ABCA7: variants seen among roughly 807,000 people sequenced by gnomAD.
ABCA7 encodes ATP binding cassette subfamily A member 7, also known as phospholipid-transporting ATPase ABCA7.
Under a neutral mutation model 227.6 loss-of-function variants are expected in ABCA7, and 261 were observed. That is an observed-to-expected ratio of 1.15 (90% CI 1.04 to 1.27). ABCA7 has a LOEUF of 1.27. Among genes scored for constraint, ABCA7 ranks in the 50% most tolerant of loss-of-function variants. The probability of loss-of-function intolerance (pLI) is 0.00; values close to 1 mark genes in which losing one functional copy is unlikely to be tolerated. For synonymous variants in ABCA7, 1,488 were observed against 1,279.7 expected, an observed-to-expected ratio of 1.16 and a Z score of -3.47; for missense variants, 3,331 against 2,924.5, an observed-to-expected ratio of 1.14 and a Z score of -3.21.
chr19:1,064,817 C>A, intron 45 of ABCA7, 114 bp from the exon 46 acceptor site: 3 of 1,413,382 alleles, frequency 2.1e-6, no homozygotes, highest in Non-Finnish European at 2.8e-6. Context: ...ACCACTTGAT[C>A]GCTAGGGTAG....
At chr19:1,048,790 C>CA (rs1373065186) in intron 16 of ABCA7, 105 bp from the exon 17 acceptor site, 46 of 559,012 alleles carry the variant, frequency 8.2e-5, no homozygotes, top group Admixed American at 2.6e-4. Flanking sequence ...GCCTGGGCAA[C>CA]AGAGCAAGAC....
At chr19:1,050,281 G>A (rs1030204697) in intron 18 of ABCA7, among the ~76,000 whole-genome samples, 12 of 151,702 alleles carry the variant, frequency 7.9e-5, no homozygotes, top group Admixed American at 4.6e-4. Context: ...TGATGGTGGC[G>A]TGCACCTGTA....
At chr19:1,045,459 A>G in intron 12 of ABCA7, 1 of 576,312 alleles carries the variant, frequency 1.7e-6, no homozygotes, top group East Asian at 2.9e-5. Flanking sequence ...ATAAGATGAG[A>G]GCAGGTATAG....
chr19:1,062,317 A>T lies in ABCA7; in HGVS notation c.5712+4A>T. The T allele has an allele frequency of 6.2e-7, 1 of 1,601,518 alleles. No homozygotes were observed. Among genetic ancestry groups the T allele is most frequent in the Non-Finnish European group, 8.5e-7 (1 of 1,179,226 alleles). On this transcript the variant is annotated splice_donor_region_variant and intron_variant, in intron 42 of 46. Coordinates refer to ENST00000263094, the MANE Select transcript of ABCA7 (RefSeq NM_019112.4). The stretch of plus-strand genomic sequence containing the variant: ...CCCGGAGGCCCAGGTTGCCCAGGTG[A>T]GCCCACTTTGTCCCCACCGCTCTCA...
intron 13 of ABCA7, 49 bp downstream of exon 13, chr19:1,046,455 G>T: frequency 6.6e-7 from 1 of 1,511,284 alleles, no homozygotes; most frequent in Non-Finnish European, 8.8e-7. Flanking sequence ...GGAAGGTCCC[G>T]GGTGTGGGGG....
At position 1,041,288 on chromosome 19, in the gene ABCA7, C is replaced by T; in HGVS notation, c.-74C>T. 1.3e-6 allele frequency: 2 copies of T among 1,482,146 alleles called. No homozygotes were observed. The highest frequency in any genetic ancestry group is 1.9e-6 in the Non-Finnish European group (2 of 1,063,052). 91.8% of individuals were successfully genotyped at this position (1,482,146 alleles called of 1,614,324 possible). A position where few individuals can be genotyped will look rare whatever the true frequency, so the allele number is the denominator to read the frequency against. ...GGTTCAGAAAGGGGCAGGGAGTTGCCCGCAGCCGCACCGCACGTCTTCAGC... is the reference window on the plus strand; with the variant it reads ...GGTTCAGAAAGGGGCAGGGAGTTGCTCGCAGCCGCACCGCACGTCTTCAGC... On this transcript the variant is annotated 5_prime_UTR_variant, in exon 2 of 47. Coordinates refer to ENST00000263094, the MANE Select transcript of ABCA7 (RefSeq NM_019112.4).
chr19:1,064,896 G>GGCTA, intron 45 of ABCA7, 35 bp from the exon 46 acceptor site: 1 of 1,546,260 alleles, frequency 6.5e-7, no homozygotes, highest in Non-Finnish European at 8.7e-7. Context: ...CCTGGGAAAG[G>GGCTA]CCCGATCCGG....
At chr19:1,048,351 G>C (rs961826255) in intron 16 of ABCA7, among the ~76,000 whole-genome samples, 8 of 151,312 alleles carry the variant, frequency 5.3e-5, no homozygotes, top group Non-Finnish European at 1.2e-4. Context: ...TACAAAATTA[G>C]CTGGGTGTGG....
Position 1,065,178 on chromosome 19 carries a change from A to C in ABCA7, c.6285+7A>C. ...CCAGACGATGCTGGAGGAGGTGATCACGGCGCCGGGGTCGGGCTGGGGGAG... is the reference window on the plus strand; with the variant it reads ...CCAGACGATGCTGGAGGAGGTGATCCCGGCGCCGGGGTCGGGCTGGGGGAG... On this transcript the variant is annotated splice_region_variant and intron_variant, in intron 46 of 46. Transcript: ENST00000263094. 1 of 1,593,940 alleles carries C rather than the reference A, an allele frequency of 6.3e-7. No individual in the cohort carries two copies. Among genetic ancestry groups the C allele is most frequent in the South Asian group, 1.1e-5 (1 of 89,272 alleles).
chr19:1,043,510 G>A (rs1307530514), intron 9 of ABCA7, 37 bp downstream of exon 9: 5 of 1,612,708 alleles, frequency 3.1e-6, no homozygotes, highest in Non-Finnish European at 4.2e-6. Flanking sequence ...GGAGGGTGGT[G>A]GCCAGAGCCC....
chr19:1,054,612 A>G lies in ABCA7; in HGVS notation c.3769A>G (p.Ser1257Gly), dbSNP rs1306207306. 1.2e-6 allele frequency: 2 copies of G among 1,613,100 alleles called. No individual in the cohort carries two copies. Among genetic ancestry groups the G allele is most frequent in the Non-Finnish European group, 1.7e-6 (2 of 1,179,922 alleles). The change falls in exon 28 of 47, where the codon AGC becomes GGC. Residue 1257 changes from serine to glycine, a missense_variant. Physicochemically the swap from Ser to Gly is moderately conservative, Grantham distance 56. Transcript: ENST00000263094. This position sits in a 1 kb window ranked among gnomAD's most constrained non-coding sequence, Gnocchi z 4.8. ...CTTTGTGGGCCTGGCCCTCGTGTTC[A>G]GCCTCATCGTGCCTCCTTTCGGGCA... Reference protein sequence around the residue: ...ALFVGLALVFSLIVPPFGHYP... With the variant: ...ALFVGLALVFGLIVPPFGHYP...
intron 23 of ABCA7, 122 bp from the exon 24 acceptor site, chr19:1,053,207 T>C: frequency 2.8e-6 from 3 of 1,087,588 alleles, no homozygotes; most frequent in African/African-American, 1.6e-5. Context: ...CTGGCCTACG[T>C]TCTTAACCCT....
At position 1,052,787 on chromosome 19, in the gene ABCA7, G is replaced by C. The variant is rs76169956; in HGVS notation, c.3220+501G>C. Among the ~76,000 whole-genome samples the C allele has an allele frequency of 2.1e-4, 32 of 151,196 alleles. 1 individual carries two copies. The highest frequency in any genetic ancestry group is 1.7e-3 in the Admixed American group (26 of 15,200). ...GATGCCCCCATCCCTGGGCTGAGCC[G>C]GAACCATGAGACTAACTTGAACACT... On this transcript the variant is annotated intron_variant, in intron 23 of 46. Coordinates refer to ENST00000263094, the MANE Select transcript of ABCA7 (RefSeq NM_019112.4).
rs1568253902 is a variant in ABCA7, at chr19:1,045,200, G to A, written c.1414G>A (p.Val472Met). 4.3e-6 allele frequency: 7 copies of A among 1,611,998 alleles called. No individual in the cohort carries two copies. The highest frequency in any genetic ancestry group is 2.2e-5 in the East Asian group (1 of 44,866). ...VRIKIRMDID[V>M]VTRTNKIRDR... is the part of the protein sequence containing the mutation. ...CATCAAAATCCGCATGGACATTGACGTGGTCACGAGGACCAATAAGATCAG... is the reference window on the plus strand; with the variant it reads ...CATCAAAATCCGCATGGACATTGACATGGTCACGAGGACCAATAAGATCAG... The change falls in exon 12 of 47, where the codon GTG (valine) becomes ATG (methionine). Residue 472 changes from valine to methionine, a missense_variant. By Grantham distance (21) the Val-to-Met change is conservative. Coordinates refer to ENST00000263094, the MANE Select transcript of ABCA7 (RefSeq NM_019112.4).
Position 1,056,864 on chromosome 19 carries a change from A to C in ABCA7, c.4587-43A>C, listed in dbSNP as rs1568385076. ...TGTTCAGCTCTGCTCTGAGCAACCC[A>C]TGCACCCTCACCCTACAACAGCTCT... On this transcript the variant is annotated intron_variant, in intron 33 of 46. Coordinates refer to ENST00000263094, the MANE Select transcript of ABCA7 (RefSeq NM_019112.4). This position sits in a 1 kb window ranked among gnomAD's most constrained non-coding sequence, Gnocchi z 4.3. The C allele has an allele frequency of 2.5e-6, 4 of 1,590,864 alleles. No homozygotes were observed. The highest frequency in any genetic ancestry group is 3.4e-6 in the Non-Finnish European group (4 of 1,164,982).
chr19:1,058,458 T>C (rs532589237), intron 37 of ABCA7, among the ~76,000 whole-genome samples, 160 bp from the exon 38 acceptor site: 8 of 152,188 alleles, frequency 5.3e-5, no homozygotes, highest in Non-Finnish European at 1.0e-4. Context: ...TTAGATTACA[T>C]CACAAGAGGC....
intron 3 of ABCA7, 51 bp from the exon 4 acceptor site, chr19:1,041,780 G>T: frequency 6.3e-7 from 1 of 1,597,198 alleles, no homozygotes. Context: ...CCCGATGGGG[G>T]TGGAGTCAGG....
Position 1,057,321 on chromosome 19 carries a change from A to C in ABCA7, c.4772A>C (p.Tyr1591Ser). ...CTGCCATCTCCAATGCAGTGTAACT[A>C]CTTGGTGCCAGCATGCATCGTGGTG... The part of the protein sequence containing the change: ...LGNFLWDMCN[Y>S]LVPACIVVLI... The change falls in exon 35 of 47, where the codon TAC becomes TCC. Residue 1591 changes from tyrosine (Y) to serine (S), a missense_variant. Transcript: ENST00000263094. 1 of 1,613,900 alleles carries C rather than the reference A, an allele frequency of 6.2e-7. No individual in the cohort carries two copies. Among genetic ancestry groups the C allele is most frequent in the Non-Finnish European group, 8.5e-7 (1 of 1,180,006 alleles).
chr19:1,040,366 C>A (rs1438593601), intron 1 of ABCA7, among the ~76,000 whole-genome samples, 170 bp downstream of exon 1: 3 of 152,198 alleles, frequency 2.0e-5, no homozygotes, highest in African/African-American at 7.2e-5. Flanking sequence ...CATCGGACAT[C>A]TGGGACCCTT....
Sources: allele counts gnomAD v4.1 joint callset (sites outside exome capture counted in the v4.1 genomes callset), GRCh38; gene constraint gnomAD v4.1.1; non-coding constraint Gnocchi (gnomAD v3.1); transcripts MANE v1.5; gene names NCBI Gene and HGNC (gene_info 2026-07-23, HGNC 2026-07-21).